The following KMT2A variants were observed in gnomAD, a reference collection of about 807,000 sequenced individuals.
KMT2A encodes the protein lysine methyltransferase 2A.
In KMT2A, 16 loss-of-function variants were observed where a neutral mutation model predicts 345.3. The observed-to-expected ratio is 0.05, with a 90% confidence interval of 0.03 to 0.07. The LOEUF (loss-of-function observed/expected upper bound fraction) is 0.07, where lower values mean the gene tolerates loss of function less well. Ranked by LOEUF, KMT2A falls within the 10% of genes least tolerant of loss-of-function variation. The probability of loss-of-function intolerance (pLI) is 1.00; values close to 1 mark genes in which losing one functional copy is unlikely to be tolerated. For missense variants in KMT2A, 3,272 were observed against 4,841.6 expected (o/e 0.68, Z 9.62); for synonymous variants, 1,599 against 1,778.6 (o/e 0.90, Z 2.54).
At chr11:118,509,291 T>A in intron 29 of KMT2A, 91 bp downstream of exon 29, 2 of 1,084,556 alleles carry the variant, frequency 1.8e-6, no homozygotes, top group Admixed American at 5.3e-5. Flanking sequence ...TTTTCTACAT[T>A]TAAAAAAAAA....
chr11:118,490,252 AC>A lies in KMT2A; in HGVS notation c.4696+6del, dbSNP rs2134335060. The A allele has an allele frequency of 6.5e-7, 1 of 1,545,556 alleles. No individual in the cohort carries two copies. The highest frequency in any genetic ancestry group is 1.3e-5 in the South Asian group (1 of 79,892). On this transcript the variant is annotated splice_donor_region_variant and intron_variant, in intron 13 of 35. Transcript: ENST00000534358. This position sits in a 1 kb window ranked among gnomAD's most constrained non-coding sequence, Gnocchi z 4.2. ...TTGCGCCAAGCTCTTTGCTAAAGGT[AC>A]CCAAAAAAGCCAGTTTTGCCAGCTT...
At chr11:118,509,266 C>T (rs2134428207) in intron 29 of KMT2A, 66 bp downstream of exon 29, 2 of 1,228,514 alleles carry the variant, frequency 1.6e-6, no homozygotes, top group Non-Finnish European at 2.3e-6. Flanking sequence ...GAGAATCACC[C>T]ACTTTACCTA....
At chr11:118,454,077 C>G (rs1348759153) in intron 1 of KMT2A, among the ~76,000 whole-genome samples, 1 of 152,194 alleles carries the variant, frequency 6.6e-6, no homozygotes. Context: ...AACAACTTTG[C>G]TACCAAAACC....
At chr11:118,456,354 T>C (rs1370796833) in intron 1 of KMT2A, among the ~76,000 whole-genome samples, 2 of 152,090 alleles carry the variant, frequency 1.3e-5, no homozygotes, top group Non-Finnish European at 2.9e-5. Context: ...CTTTTTTTTT[T>C]TTGAGACAGA....
chr11:118,439,181 AAG>A (rs1439068272), intron 1 of KMT2A: 83 of 405,762 alleles, frequency 2.0e-4, no homozygotes, highest in Non-Finnish European at 3.1e-4. Context: ...AAAGAAAAAA[AAG>A]AAAAAACTGA....
chr11:118,493,293 G>A lies in KMT2A; in HGVS notation c.5178+63G>A. On this transcript the variant is annotated intron_variant, in intron 16 of 35. Coordinates refer to ENST00000534358, the MANE Select transcript of KMT2A (RefSeq NM_001197104.2). The surrounding 1 kb of genome is among the most constrained non-coding windows in gnomAD (Gnocchi z 5.8). ...CAATAAAGCTTCTTTGGACCTTTGG[G>A]GCATGAAACTGAGTATAAGTAAATT... The A allele has an allele frequency of 7.4e-7, 1 of 1,345,842 alleles. No homozygotes were observed. The highest frequency in any genetic ancestry group is 1.0e-6 in the Non-Finnish European group (1 of 958,670). The allele number at this position is 1,345,842 out of a possible 1,614,324, so 83.4% of individuals were successfully genotyped here.
intron 1 of KMT2A, among the ~76,000 whole-genome samples, chr11:118,453,440 T>G (rs1949581075): frequency 6.6e-6 from 1 of 152,146 alleles, no homozygotes; most frequent in Admixed American, 6.5e-5. Flanking sequence ...TTTTTCTTCT[T>G]AACTCATTGG....
In KMT2A at chr11:118,521,941, G is replaced by T. The variant is rs782243132; in HGVS notation, c.11688G>T (p.Val3896=). 6.2e-7 allele frequency: 1 copy of T among 1,614,198 alleles called. No individual in the cohort carries two copies. The highest frequency in any genetic ancestry group is 8.5e-7 in the Non-Finnish European group (1 of 1,180,028). The change falls in exon 36 of 36, where the codon GTG becomes GTT. Residue 3896 remains valine, a synonymous_variant. Coordinates refer to ENST00000534358, the MANE Select transcript of KMT2A (RefSeq NM_001197104.2). The surrounding 1 kb of genome is among the most constrained non-coding windows in gnomAD (Gnocchi z 5.3). The part of the protein sequence containing the change: ...YMFRIDDSEV[V]DATMHGNAAR... ...TCCGAATTGATGACTCAGAGGTAGTGGATGCCACCATGCATGGAAATGCTG... is the reference window on the plus strand; with the variant it reads ...TCCGAATTGATGACTCAGAGGTAGTTGATGCCACCATGCATGGAAATGCTG...
Position 118,505,565 on chromosome 11 carries a change from C to G in KMT2A, c.9673C>G (p.Pro3225Ala). 1 of 1,614,188 alleles carries G rather than the reference C, an allele frequency of 6.2e-7. No homozygotes were observed. The highest frequency in any genetic ancestry group is 8.5e-7 in the Non-Finnish European group (1 of 1,180,032). ...ATPSSGLKKRPISRLQTRKNK... is the reference protein window; with the variant it reads ...ATPSSGLKKRAISRLQTRKNK... ...TCCATCCTCTGGACTCAAGAAAAGA[C>G]CCATATCTCGTCTACAGACCCGAAA... The change falls in exon 27 of 36, where the codon CCC becomes GCC. Residue 3225 changes from proline (P) to alanine (A), a missense_variant. Coordinates refer to ENST00000534358, the MANE Select transcript of KMT2A (RefSeq NM_001197104.2). The surrounding 1 kb of genome is among the most constrained non-coding windows in gnomAD (Gnocchi z 4.6).
Position 118,468,831 on chromosome 11 carries a change from A to G in KMT2A, c.489A>G (p.Thr163=). ...AAGAAGTCAGAGTGCGAAGTCCCAC[A>G]AGGTCTCCTTCAGGTACGGCCAATT... is the stretch of plus-strand genomic sequence containing the variant. ...SDEEVRVRSP[T]RSPSVKTSPR... is the part of the protein sequence containing the mutation. The change falls in exon 2 of 36, where the codon ACA becomes ACG. Residue 163 remains threonine, a synonymous_variant. Transcript: ENST00000534358. The G allele has an allele frequency of 6.2e-7, 1 of 1,613,248 alleles. No individual in the cohort carries two copies. The highest frequency in any genetic ancestry group is 1.7e-4 in the Middle Eastern group (1 of 6,058).
Position 118,504,802 on chromosome 11 carries a change from A to G in KMT2A, c.8910A>G (p.Val2970=). Residue 2970 remains valine (V), a synonymous_variant, in exon 27 of 36, where the codon GTA becomes GTG. Transcript: ENST00000534358. This position sits in a 1 kb window ranked among gnomAD's most constrained non-coding sequence, Gnocchi z 6.4. The part of the protein sequence containing the change: ...EKRVTITEKS[V]ASSESDPALL... ...GAGTAACCATCACAGAAAAATCTGTAGCCTCCTCTGAAAGTGACCCAGCAC... is the reference window on the plus strand; with the variant it reads ...GAGTAACCATCACAGAAAAATCTGTGGCCTCCTCTGAAAGTGACCCAGCAC... 1 of 1,614,164 alleles carries G rather than the reference A, an allele frequency of 6.2e-7. No homozygotes were observed. The highest frequency in any genetic ancestry group is 8.5e-7 in the Non-Finnish European group (1 of 1,180,032).
chr11:118,449,123 A>T (rs1172684752), intron 1 of KMT2A: 1 of 152,186 alleles, frequency 6.6e-6, no homozygotes, highest in Admixed American at 6.5e-5. Context: ...ATGCCACCTA[A>T]TGTGGGCTTC....
At chr11:118,437,889 G>A (rs879969720) in intron 1 of KMT2A, among the ~76,000 whole-genome samples, 2 of 152,174 alleles carry the variant, frequency 1.3e-5, no homozygotes, top group Admixed American at 6.5e-5. Flanking sequence ...CTCTGGGGAA[G>A]GGGGCCCCTG....
chr11:118,438,877 C>T (rs1949256037), intron 1 of KMT2A: 1 of 337,436 alleles, frequency 3.0e-6, no homozygotes, highest in Non-Finnish European at 5.9e-6. Flanking sequence ...CTGCAGCGTC[C>T]CCTTTCCCTG....
chr11:118,480,969 C>T (rs1486793791), intron 6 of KMT2A, among the ~76,000 whole-genome samples: 2 of 152,070 alleles, frequency 1.3e-5, no homozygotes, highest in Middle Eastern at 3.2e-3. Context: ...TGCACCTGGC[C>T]AGCAGGTGTA....
rs541009116 is a variant in KMT2A at position 118,474,044 on chromosome 11, T to A, written c.2885T>A (p.Ile962Lys). Reference sequence around the variant, plus strand: ...ACAGCTGTCAAAACCAAAATACTTATAAAGAAAGGGAGAGGAAATCTGGAA... The same window carrying A: ...ACAGCTGTCAAAACCAAAATACTTAAAAAGAAAGGGAGAGGAAATCTGGAA... ...DTTAVKTKIL[I>K]KKGRGNLEKT... The change falls in exon 3 of 36, where the codon ATA becomes AAA. Residue 962 changes from isoleucine (I) to lysine (K), a missense_variant. Physicochemically the swap from Ile to Lys is moderately radical, Grantham distance 102. This residue lies in a region of KMT2A where 209 missense variants were observed against 237.4 expected (regional missense o/e 0.88). Coordinates refer to ENST00000534358, the MANE Select transcript of KMT2A (RefSeq NM_001197104.2). The A allele has an allele frequency of 5.0e-6, 8 of 1,613,724 alleles. No individual in the cohort carries two copies. The highest frequency in any genetic ancestry group is 6.8e-6 in the Non-Finnish European group (8 of 1,179,918).
chr11:118,473,455 G>A lies in KMT2A; in HGVS notation c.2296G>A (p.Glu766Lys), dbSNP rs1344397789. The A allele has an allele frequency of 6.2e-7, 1 of 1,614,048 alleles. No homozygotes were observed. The highest frequency in any genetic ancestry group is 2.2e-5 in the East Asian group (1 of 44,896). The stretch of plus-strand genomic sequence containing the variant: ...AAGAAGTGGAAGGCTTAGTAGTTCT[G>A]AGCTCTCACCTCTCACCCCCCCGTC... ...RTRSGRLSSS[E>K]LSPLTPPSSV... Residue 766 changes from glutamate (E) to lysine (K), a missense_variant, in exon 3 of 36, where the codon GAG (glutamate) becomes AAG (lysine). Around this residue, in one of 27 missense-constraint regions of KMT2A, gnomAD observed 209 missense variants for 237.4 expected, o/e 0.88. Transcript: ENST00000534358. The surrounding 1 kb of genome is among the most constrained non-coding windows in gnomAD (Gnocchi z 5.2).
In KMT2A at chr11:118,476,315, A is replaced by C. The variant is rs1487481488; in HGVS notation, c.3157-490A>C. Among the ~76,000 whole-genome samples the C allele has an allele frequency of 6.6e-6, 1 of 152,226 alleles. No homozygotes were observed. The highest frequency in any genetic ancestry group is 1.5e-5 in the Non-Finnish European group (1 of 68,036). On this transcript the variant is annotated intron_variant, in intron 3 of 35. Transcript: ENST00000534358. The surrounding 1 kb of genome is among the most constrained non-coding windows in gnomAD (Gnocchi z 4.1). Reference sequence around the variant, plus strand: ...ACCACACTGAACTTTTTGATAATATAGACTGGCAGCTTGAATTTTGAGGGG... The same window carrying C: ...ACCACACTGAACTTTTTGATAATATCGACTGGCAGCTTGAATTTTGAGGGG...
At chr11:118,481,608 A>G (rs2134298534) in intron 6 of KMT2A, 107 bp from the exon 7 acceptor site, 6 of 1,194,666 alleles carry the variant, frequency 5.0e-6, no homozygotes, top group South Asian at 3.1e-5. Flanking sequence ...TTATTTTGGT[A>G]TATACCTAGC....
Sources: gnomAD v4.1 joint callset for allele counts (sites outside exome capture counted in the v4.1 genomes callset) on GRCh38, gnomAD v4.1.1 for gene constraint, gnomAD v4.1.1 regional missense constraint, Gnocchi (gnomAD v3.1) non-coding constraint, MANE v1.5 for transcripts, NCBI Gene and HGNC (gene_info 2026-07-23, HGNC 2026-07-21) for gene names.